The following DLG2 variants were observed in gnomAD, a reference collection of about 807,000 sequenced individuals.
DLG2 encodes the protein discs large MAGUK scaffold protein 2, also known as disks large homolog 2.
A neutral mutation model predicts 132.5 loss-of-function variants in DLG2; 45 were observed. The ratio of observed to expected loss-of-function variants is 0.34; its 90% confidence interval spans 0.27 to 0.44. DLG2 has a LOEUF of 0.44. Among genes scored for constraint, DLG2 ranks in the 20% least tolerant of loss-of-function variants. DLG2 has a pLI of 1.00. For missense variants in DLG2, 1,045 were observed against 1,196.9 expected, an observed-to-expected ratio of 0.87 and a Z score of 1.87; for synonymous variants, 424 against 419.6, an observed-to-expected ratio of 1.01 and a Z score of -0.13.
At chr11:84,208,214 T>G (rs924239808) in intron 8 of DLG2, among the ~76,000 whole-genome samples, 22 of 152,178 alleles carry the variant, frequency 1.4e-4, no homozygotes, top group African/African-American at 5.3e-4. Context: ...TGTCTTTGCC[T>G]GCAACTCCTG....
At chr11:84,055,275 C>T (rs2096479110) in intron 11 of DLG2, among the ~76,000 whole-genome samples, 1 of 152,012 alleles carries the variant, frequency 6.6e-6, no homozygotes. Flanking sequence ...AGCTCAAATC[C>T]ATTTACTTTT....
intron 10 of DLG2, among the ~76,000 whole-genome samples, chr11:84,085,410 C>A (rs189209473): frequency 6.6e-6 from 1 of 152,242 alleles, no homozygotes; most frequent in African/African-American, 2.4e-5. Context: ...CCACTTAAAG[C>A]TGCAATCAGC....
At chr11:84,000,022 G>A (rs1459669682) in intron 11 of DLG2, among the ~76,000 whole-genome samples, 1 of 148,380 alleles carries the variant, frequency 6.7e-6, no homozygotes, top group Non-Finnish European at 1.5e-5. Context: ...CAGATCCCAA[G>A]CAAAAAGAAA....
chr11:85,203,712 CA>C (rs754009197), intron 4 of DLG2, among the ~76,000 whole-genome samples: 7 of 152,066 alleles, frequency 4.6e-5, no homozygotes, highest in Middle Eastern at 3.2e-3. Context: ...ACCCTAGTAA[CA>C]GAACTAGACA....
intron 11 of DLG2, among the ~76,000 whole-genome samples, chr11:84,026,141 C>T (rs545075543): frequency 2.6e-5 from 4 of 152,072 alleles, no homozygotes; most frequent in Admixed American, 2.0e-4. Flanking sequence ...ATAGTAGAGG[C>T]ACCAAGGCAG....
intron 20 of DLG2, among the ~76,000 whole-genome samples, chr11:83,535,938 A>T (rs901559776): frequency 1.3e-5 from 2 of 152,178 alleles, no homozygotes; most frequent in East Asian, 3.9e-4. Flanking sequence ...GTAGAAACAG[A>T]GCCTGAACAT....
Position 85,252,572 on chromosome 11 carries a change from C to T in DLG2, c.186+32648G>A, listed in dbSNP as rs150304519. ...CTGCACTCCAACCTGGGCAACAGAG[C>T]GAGACTCTGTCTCAAAAAAATAAAA... On this transcript the variant is annotated intron_variant, in intron 4 of 27. Transcript: ENST00000376104. Among the ~76,000 whole-genome samples, 1,454 of 151,804 alleles carry T rather than the reference C, an allele frequency of 9.6e-3. 19 individuals are homozygous for T. Among genetic ancestry groups the T allele is most frequent in the African/African-American group, 0.032 (1,307 of 41,368 alleles).
At chr11:85,536,425 G>C (rs2075586641) in intron 3 of DLG2, among the ~76,000 whole-genome samples, 1 of 152,128 alleles carries the variant, frequency 6.6e-6, no homozygotes, top group Non-Finnish European at 1.5e-5. Context: ...GTAGGTCATA[G>C]AAACTAGAAC....
chr11:84,980,374 T>C (rs531937147), intron 6 of DLG2, among the ~76,000 whole-genome samples: 52 of 152,118 alleles, frequency 3.4e-4, no homozygotes, highest in Non-Finnish European at 6.2e-4. Context: ...CTTAAAACTT[T>C]TAGTAACTCT....
intron 3 of DLG2, among the ~76,000 whole-genome samples, chr11:85,530,410 T>G (rs1252931357): frequency 6.6e-6 from 1 of 151,742 alleles, no homozygotes; most frequent in African/African-American, 2.4e-5. Context: ...AACCTCCGCC[T>G]CCCAGGTTCA....
At position 84,199,398 on chromosome 11, in the gene DLG2, A is replaced by G. The variant is rs184065415; in HGVS notation, c.574-35887T>C. Among the ~76,000 whole-genome samples the G allele has an allele frequency of 1.7e-3, 253 of 152,306 alleles. 3 individuals are homozygous for G. The highest frequency in any genetic ancestry group is 0.014 in the Admixed American group (214 of 15,302). On this transcript the variant is annotated intron_variant, in intron 8 of 27. Transcript: ENST00000376104. Reference sequence around the variant, plus strand: ...CACTCTCTGGGAAAAACGTTTTCCTATAAAACATGTCTAGTATAATAAAAT... The same window carrying G: ...CACTCTCTGGGAAAAACGTTTTCCTGTAAAACATGTCTAGTATAATAAAAT...
chr11:84,150,598 C>A (rs752629832), intron 9 of DLG2, among the ~76,000 whole-genome samples: 4 of 152,076 alleles, frequency 2.6e-5, no homozygotes, highest in Non-Finnish European at 4.4e-5. Context: ...ATTTGGATGC[C>A]TTTTATTCCT....
intron 19 of DLG2, among the ~76,000 whole-genome samples, chr11:83,608,516 A>G (rs955372968): frequency 6.6e-6 from 1 of 152,188 alleles, no homozygotes; most frequent in Non-Finnish European, 1.5e-5. Flanking sequence ...AACCTGTAAA[A>G]TGTTGATTAT....
At chr11:85,061,114 A>G (rs774008198) in intron 6 of DLG2, among the ~76,000 whole-genome samples, 20 of 151,798 alleles carry the variant, frequency 1.3e-4, no homozygotes, top group Non-Finnish European at 1.9e-4. Flanking sequence ...TTCCTTATAT[A>G]TTCCGAATAT....
chr11:85,307,801 T>C (rs938146437), intron 3 of DLG2, among the ~76,000 whole-genome samples: 3 of 152,342 alleles, frequency 2.0e-5, no homozygotes, highest in Non-Finnish European at 2.9e-5. Context: ...AATTGGATGA[T>C]AAAACCACTG....
At chr11:84,869,748 C>G (rs2085177713) in intron 6 of DLG2, among the ~76,000 whole-genome samples, 1 of 152,194 alleles carries the variant, frequency 6.6e-6, no homozygotes, top group African/African-American at 2.4e-5. Flanking sequence ...CTTCTCAACT[C>G]CTGAACTTCA....
At chr11:84,943,271 A>G (rs1410296907) in intron 6 of DLG2, among the ~76,000 whole-genome samples, 1 of 151,652 alleles carries the variant, frequency 6.6e-6, no homozygotes, top group Non-Finnish European at 1.5e-5. Context: ...TCGTAGTGAT[A>G]AGTGAAGGCT....
intron 3 of DLG2, among the ~76,000 whole-genome samples, chr11:85,431,389 C>G (rs917655139): frequency 6.6e-6 from 1 of 152,206 alleles, no homozygotes; most frequent in Non-Finnish European, 1.5e-5. Context: ...CATGCTTTTT[C>G]CACTGAACTG....
chr11:85,189,325 C>A (rs1454350202), intron 4 of DLG2, among the ~76,000 whole-genome samples: 1 of 152,058 alleles, frequency 6.6e-6, no homozygotes. Flanking sequence ...TCCTAGAGAC[C>A]TAAAAACTGG....
Sources: allele counts gnomAD v4.1 joint callset (sites outside exome capture counted in the v4.1 genomes callset), GRCh38; gene constraint gnomAD v4.1.1; transcripts MANE v1.5; gene names NCBI Gene and HGNC (gene_info 2026-07-23, HGNC 2026-07-21).